The following RHOJ variants were observed in gnomAD, a reference collection of about 807,000 sequenced individuals.
The protein encoded by RHOJ is rho-related GTP-binding protein RhoJ.
Under a neutral mutation model 23.4 loss-of-function variants are expected in RHOJ, and 11 were observed. That is an observed-to-expected ratio of 0.47 (90% CI 0.30 to 0.78). RHOJ has a LOEUF of 0.78. RHOJ is among the 30% of genes least tolerant of loss of function. The pLI, the probability that RHOJ is intolerant of heterozygous loss-of-function variation, is 0.08. For synonymous variants in RHOJ, 102 were observed against 102.7 expected, an observed-to-expected ratio of 0.99 and a Z score of 0.04; for missense variants, 254 against 273.4, an observed-to-expected ratio of 0.93 and a Z score of 0.50.
intron 1 of RHOJ, among the ~76,000 whole-genome samples, chr14:63,232,595 T>G (rs538343656): frequency 9.2e-5 from 14 of 152,298 alleles, no homozygotes; most frequent in Admixed American, 8.5e-4. Context: ...CACATTATCA[T>G]GTTTCTCATG....
At chr14:63,229,922 C>T (rs1056921074) in intron 1 of RHOJ, among the ~76,000 whole-genome samples, 1 of 152,142 alleles carries the variant, frequency 6.6e-6, no homozygotes, top group African/African-American at 2.4e-5. Context: ...CTTAACATGT[C>T]AACACTAATT....
intron 2 of RHOJ, among the ~76,000 whole-genome samples, chr14:63,269,593 A>G (rs768171358): frequency 3.3e-5 from 5 of 152,148 alleles, no homozygotes; most frequent in Non-Finnish European, 5.9e-5. Context: ...AGGCCCAAAA[A>G]GAGATTGGTG....
At chr14:63,240,253 G>A (rs1894860051) in intron 1 of RHOJ, among the ~76,000 whole-genome samples, 1 of 152,166 alleles carries the variant, frequency 6.6e-6, no homozygotes. Flanking sequence ...TAGCCTAAGT[G>A]TAGTTGTATC....
At position 63,281,021 on chromosome 14, in the gene RHOJ, T is replaced by C. The variant is rs747100097; in HGVS notation, c.288T>C (p.Phe96=). The change falls in exon 3 of 5, where the codon TTT becomes TTC. Residue 96 remains phenylalanine (F), a synonymous_variant. Transcript: ENST00000316754. Reference sequence around the variant, plus strand: ...TCTCCTACCCCAACACGGATGTGTTTTTGATCTGCTTCTCTGTCGTAAACC... The same window carrying C: ...TCTCCTACCCCAACACGGATGTGTTCTTGATCTGCTTCTCTGTCGTAAACC... ...RPLSYPNTDV[F]LICFSVVNPA... 2.5e-6 allele frequency: 4 copies of C among 1,613,996 alleles called. No homozygotes were observed. In the South Asian group the frequency reaches 4.4e-5, roughly 18 times the overall value.
At chr14:63,259,313 T>C (rs1372499637) in intron 1 of RHOJ, among the ~76,000 whole-genome samples, 1 of 147,060 alleles carries the variant, frequency 6.8e-6, no homozygotes, top group African/African-American at 2.7e-5. Flanking sequence ...GCTAATCCAG[T>C]GAACCTACTG....
At chr14:63,263,573 C>A (rs1270614673) in intron 1 of RHOJ, among the ~76,000 whole-genome samples, 1 of 152,080 alleles carries the variant, frequency 6.6e-6, no homozygotes, top group Admixed American at 6.5e-5. Context: ...CAAGCTCTGC[C>A]CCCTCTTTTT....
chr14:63,218,373 T>C (rs992892435), intron 1 of RHOJ, among the ~76,000 whole-genome samples: 3 of 152,184 alleles, frequency 2.0e-5, no homozygotes, highest in Non-Finnish European at 4.4e-5. Context: ...TTGGGAAATA[T>C]AAGTATGTCA....
chr14:63,243,624 G>A (rs1237169427), intron 1 of RHOJ, among the ~76,000 whole-genome samples: 2 of 152,130 alleles, frequency 1.3e-5, no homozygotes, highest in African/African-American at 4.8e-5. Context: ...ACAGGCATAA[G>A]CCACCACGCC....
At chr14:63,270,930 T>A (rs1470757445) in intron 2 of RHOJ, among the ~76,000 whole-genome samples, 2 of 152,222 alleles carry the variant, frequency 1.3e-5, no homozygotes, top group Non-Finnish European at 2.9e-5. Flanking sequence ...CTCCACAGGC[T>A]TCTGTTTAAT....
At chr14:63,229,322 C>A (rs1442498935) in intron 1 of RHOJ, among the ~76,000 whole-genome samples, 1 of 152,186 alleles carries the variant, frequency 6.6e-6, no homozygotes, top group Non-Finnish European at 1.5e-5. Context: ...CTACCACAAT[C>A]TTAGTGACTT....
chr14:63,281,790 T>G (rs191752688), intron 3 of RHOJ, among the ~76,000 whole-genome samples: 2 of 152,348 alleles, frequency 1.3e-5, no homozygotes, highest in Non-Finnish European at 2.9e-5. Flanking sequence ...TATTAAGGAT[T>G]GTTACTGTTT....
chr14:63,219,394 T>G (rs1159990467), intron 1 of RHOJ, among the ~76,000 whole-genome samples: 1 of 152,346 alleles, frequency 6.6e-6, no homozygotes, highest in Non-Finnish European at 1.5e-5. Flanking sequence ...ATGCACTTTT[T>G]TTTTTCATTT....
intron 1 of RHOJ, among the ~76,000 whole-genome samples, chr14:63,238,982 T>G (rs1894837133): frequency 6.6e-6 from 1 of 152,174 alleles, no homozygotes; most frequent in Non-Finnish European, 1.5e-5. Context: ...CTTAAACCAC[T>G]CTGCTATGTC....
intron 1 of RHOJ, among the ~76,000 whole-genome samples, chr14:63,250,601 C>T (rs949170835): frequency 3.9e-5 from 6 of 152,118 alleles, no homozygotes; most frequent in African/African-American, 1.4e-4. Flanking sequence ...AATGTCCCCC[C>T]ATACACACAC....
At chr14:63,274,375 G>T (rs1341895572) in intron 2 of RHOJ, among the ~76,000 whole-genome samples, 2 of 152,194 alleles carry the variant, frequency 1.3e-5, no homozygotes, top group Non-Finnish European at 2.9e-5. Context: ...CCACATGACA[G>T]CTGCTTAGTA....
At chr14:63,223,002 C>T (rs560900651) in intron 1 of RHOJ, among the ~76,000 whole-genome samples, 4 of 152,302 alleles carry the variant, frequency 2.6e-5, no homozygotes, top group African/African-American at 4.8e-5. Context: ...CACAGCTCCT[C>T]CTGCTCTCAA....
chr14:63,269,183 T>C lies in RHOJ; in HGVS notation c.237+15T>C. 4 of 1,601,620 alleles carry C rather than the reference T, an allele frequency of 2.5e-6. No homozygotes were observed. The highest frequency in any genetic ancestry group is 3.4e-6 in the Non-Finnish European group (4 of 1,168,700). On this transcript the variant is annotated intron_variant, in intron 2 of 4. Transcript: ENST00000316754. ...CCGCGGGACAGGTACATTTTTATTA[T>C]CTTGATTCATTGGAGGGCGGTGGTG...
At chr14:63,286,361 G>A (rs914062770) in intron 4 of RHOJ, among the ~76,000 whole-genome samples, 2 of 152,158 alleles carry the variant, frequency 1.3e-5, no homozygotes, top group Non-Finnish European at 2.9e-5. Flanking sequence ...ATACATTCAC[G>A]GAAGGAGGTT....
chr14:63,221,269 G>C (rs945039173), intron 1 of RHOJ, among the ~76,000 whole-genome samples: 3 of 152,172 alleles, frequency 2.0e-5, no homozygotes, highest in African/African-American at 7.2e-5. Flanking sequence ...GATCGAGGCT[G>C]CAATGAGCCA....
Sources: allele counts gnomAD v4.1 joint callset (sites outside exome capture counted in the v4.1 genomes callset), GRCh38; gene constraint gnomAD v4.1.1; transcripts MANE v1.5; gene names NCBI Gene and HGNC (gene_info 2026-07-23, HGNC 2026-07-21).